The following COL5A1 variants were observed in gnomAD, a reference collection of about 807,000 sequenced individuals.
COL5A1 encodes collagen alpha-1(V) chain.
COL5A1 carries 16 observed loss-of-function variants against 263.7 expected under a neutral mutation model. The observed-to-expected ratio is 0.06, with a 90% CI of 0.04 to 0.09. COL5A1 has a LOEUF of 0.09. COL5A1 is among the 10% of genes least tolerant of loss of function. The pLI, the probability that COL5A1 is intolerant of heterozygous loss-of-function variation, is 1.00. For missense variants in COL5A1, 2,036 were observed against 2,540.5 expected (o/e 0.80, Z 4.27); for synonymous variants, 1,012 against 1,004.5 (o/e 1.01, Z -0.14).
intron 22 of COL5A1, among the ~76,000 whole-genome samples, 165 bp downstream of exon 22, chr9:134,766,663 G>A (rs1836677368): frequency 6.6e-6 from 1 of 152,218 alleles, no homozygotes; most frequent in East Asian, 1.9e-4. Flanking sequence ...GTGGCACCTG[G>A]AGACTTTAGC....
chr9:134,689,245 C>T lies in COL5A1; in HGVS notation c.110-1667C>T, dbSNP rs1468483516. The stretch of plus-strand genomic sequence containing the variant: ...TGAAAACCAGCAGAGAGGAAACCTG[C>T]GTGGCCATCCCATCTCACCTCCAAA... On this transcript the variant is annotated intron_variant, in intron 1 of 65. Coordinates refer to ENST00000371817, the MANE Select transcript of COL5A1 (RefSeq NM_000093.5). Among the ~76,000 whole-genome samples, 7 of 152,174 alleles carry T rather than the reference C, an allele frequency of 4.6e-5. No homozygotes were observed. The East Asian group carries it at 5.8e-4, about 13-fold the overall frequency.
At chr9:134,735,538 G>T (rs1171918939) in intron 9 of COL5A1, among the ~76,000 whole-genome samples, 1 of 152,190 alleles carries the variant, frequency 6.6e-6, no homozygotes, top group Non-Finnish European at 1.5e-5. Context: ...ACCCTCAGGC[G>T]CATTCATCCA....
Position 134,742,187 on chromosome 9 carries a change from T to C in COL5A1, c.1494+3379T>C, listed in dbSNP as rs1041774950. On this transcript the variant is annotated intron_variant, in intron 11 of 65. Coordinates refer to ENST00000371817, the MANE Select transcript of COL5A1 (RefSeq NM_000093.5). The surrounding 1 kb of genome is among the most constrained non-coding windows in gnomAD (Gnocchi z 4.6). ...GCTGCTCCCCTTGGATGACCTTCCA[T>C]GCTGCATCTGCCTTCTAGCACCTCA... 1.3e-5 allele frequency among the ~76,000 whole-genome samples: 2 copies of C among 152,190 alleles called. No homozygotes were observed. Among genetic ancestry groups the C allele is most frequent in the African/African-American group, 4.8e-5 (2 of 41,448 alleles).
intron 5 of COL5A1, among the ~76,000 whole-genome samples, chr9:134,727,749 A>G (rs546175078): frequency 6.6e-6 from 1 of 152,326 alleles, no homozygotes. Context: ...TGGAGGGGCC[A>G]TGTGCAGCTC....
chr9:134,653,152 A>G (rs11103456), intron 1 of COL5A1: 3,101 of 161,890 alleles, frequency 0.019, 56 homozygotes, highest in African/African-American at 0.047. Context: ...CAAAGCACCC[A>G]TGGTGCTGTT....
rs545237700 is a variant in COL5A1, at chr9:134,792,851, G to A, written c.2701-2231G>A. Among the ~76,000 whole-genome samples, 99 of 145,838 alleles carry A rather than the reference G, an allele frequency of 6.8e-4. 1 individual carries two copies. Among genetic ancestry groups the A allele is most frequent in the Non-Finnish European group, 1.3e-3 (89 of 66,704 alleles). On this transcript the variant is annotated intron_variant, in intron 32 of 65. Transcript: ENST00000371817. ...TGTATGCATGTGTATGTGTGTGTGC[G>A]CACACGTGTGTGTGCGCGCGTTTGT...
intron 11 of COL5A1, among the ~76,000 whole-genome samples, chr9:134,749,358 G>A (rs1190052961): frequency 6.6e-6 from 1 of 152,218 alleles, no homozygotes; most frequent in Non-Finnish European, 1.5e-5. Flanking sequence ...TTGAGCACTG[G>A]TTACATCCGG....
At chr9:134,701,993 C>A (rs1423591765) in intron 4 of COL5A1, among the ~76,000 whole-genome samples, 1 of 152,210 alleles carries the variant, frequency 6.6e-6, no homozygotes, top group African/African-American at 2.4e-5. Context: ...TTGAGAGCTT[C>A]TGCAGGTGAC....
Position 134,757,006 on chromosome 9 carries a change from C to T in COL5A1, c.1881+188C>T, listed in dbSNP as rs1240383198. On this transcript the variant is annotated intron_variant, in intron 17 of 65. Coordinates refer to ENST00000371817, the MANE Select transcript of COL5A1 (RefSeq NM_000093.5). The surrounding 1 kb of genome is among the most constrained non-coding windows in gnomAD (Gnocchi z 6.2). ...GCCAGCAAGCGTGACAGTTGCAGTTCATTTTCATAAGGGAGAAATTTGCTC... is the reference window on the plus strand; with the variant it reads ...GCCAGCAAGCGTGACAGTTGCAGTTTATTTTCATAAGGGAGAAATTTGCTC... Among the ~76,000 whole-genome samples, 1 of 152,124 alleles carries T rather than the reference C, an allele frequency of 6.6e-6. No individual in the cohort carries two copies. The highest frequency in any genetic ancestry group is 1.5e-5 in the Non-Finnish European group (1 of 68,030).
In COL5A1 at chr9:134,646,220, AC is replaced by A. The variant is rs371962338; in HGVS notation, c.109+3925del. On this transcript the variant is annotated intron_variant, in intron 1 of 65. Transcript: ENST00000371817. ...ACCCCTCGTTTCCTTCCAGGAGCTC[AC>A]AGTCTGACAGGCAGACCATTGTGAA... 2.0e-3 allele frequency among the ~76,000 whole-genome samples: 298 copies of A among 152,258 alleles called. 1 individual carries two copies. Among genetic ancestry groups the A allele is most frequent in the African/African-American group, 6.9e-3 (287 of 41,550 alleles).
intron 1 of COL5A1, among the ~76,000 whole-genome samples, chr9:134,670,298 A>G (rs1832499921): frequency 6.6e-6 from 1 of 152,214 alleles, no homozygotes; most frequent in South Asian, 2.1e-4. Context: ...ATTCTTAGAC[A>G]TTGACTCACT....
intron 1 of COL5A1, among the ~76,000 whole-genome samples, chr9:134,659,432 G>A (rs1490304089): frequency 6.6e-6 from 1 of 152,164 alleles, no homozygotes; most frequent in African/African-American, 2.4e-5. Flanking sequence ...TGAGTTGTGG[G>A]CATTTGATTC....
At chr9:134,810,520 C>T (rs1838484745) in intron 44 of COL5A1, 3 of 576,860 alleles carry the variant, frequency 5.2e-6, no homozygotes, top group South Asian at 2.3e-5. Context: ...TTAGAATGAA[C>T]AGGAAGCATC....
At chr9:134,766,600 C>T (rs992907986) in intron 22 of COL5A1, 102 bp downstream of exon 22, 2 of 1,233,128 alleles carry the variant, frequency 1.6e-6, no homozygotes, top group Non-Finnish European at 2.3e-6. Context: ...CAGCTGGGAA[C>T]ATGAAGGGCA....
At chr9:134,822,894 T>TGGGAGAG (rs1564485141) in intron 59 of COL5A1, 104 bp from the exon 60 acceptor site, 2 of 1,269,672 alleles carry the variant, frequency 1.6e-6, no homozygotes, top group African/African-American at 2.9e-5. Context: ...GGGATGCGGG[T>TGGGAGAG]GGGAGAGGGG....
intron 63 of COL5A1, among the ~76,000 whole-genome samples, chr9:134,828,523 G>A (rs553495961): frequency 0.011 from 1,513 of 140,656 alleles, 25 homozygotes; most frequent in African/African-American, 0.038. Flanking sequence ...ACAGATACAC[G>A]ATACACATAC....
At chr9:134,822,054 C>T in intron 58 of COL5A1, 43 bp from the exon 59 acceptor site, 1 of 1,587,780 alleles carries the variant, frequency 6.3e-7, no homozygotes, top group Non-Finnish European at 8.6e-7. Flanking sequence ...CGCAGCTCCT[C>T]CTCGTCTGAA....
intron 63 of COL5A1, among the ~76,000 whole-genome samples, chr9:134,828,979 C>G: frequency 6.6e-6 from 1 of 151,292 alleles, no homozygotes; most frequent in Middle Eastern, 3.2e-3. Context: ...CACAGACATA[C>G]CCCCCACACC....
intron 28 of COL5A1, among the ~76,000 whole-genome samples, chr9:134,782,143 A>G (rs943391363): frequency 1.1e-4 from 16 of 152,210 alleles, no homozygotes; most frequent in African/African-American, 3.6e-4. Context: ...CCAGTAACCC[A>G]GGGGTGCGCG....
Sources: allele counts gnomAD v4.1 joint callset (sites outside exome capture counted in the v4.1 genomes callset), GRCh38; gene constraint gnomAD v4.1.1; non-coding constraint Gnocchi (gnomAD v3.1); transcripts MANE v1.5; gene names NCBI Gene and HGNC (gene_info 2026-07-23, HGNC 2026-07-21).